The following EIF5B variants were observed in gnomAD, a reference collection of about 807,000 sequenced individuals.
The protein encoded by EIF5B is eukaryotic translation initiation factor 5B, also known as eIF-5B.
EIF5B carries 47 observed loss-of-function variants against 147.5 expected under a neutral mutation model. The ratio of observed to expected loss-of-function variants is 0.32; its 90% confidence interval spans 0.25 to 0.41. The LOEUF (loss-of-function observed/expected upper bound fraction) is 0.41. EIF5B is among the 10% of genes least tolerant of loss of function. The probability of loss-of-function intolerance (pLI) is 1.00; values close to 1 mark genes in which losing one functional copy is unlikely to be tolerated. For missense variants in EIF5B, 1,064 were observed against 1,413.2 expected, an observed-to-expected ratio of 0.75 and a Z score of 3.96; for synonymous variants, 455 against 456.2, an observed-to-expected ratio of 1.00 and a Z score of 0.03.
rs1472018846 is a variant in EIF5B at position 99,379,125 on chromosome 2, A to T, written c.1949A>T (p.Lys650Met). 5 of 1,591,878 alleles carry T rather than the reference A, an allele frequency of 3.1e-6. No individual in the cohort carries two copies. The highest frequency in any genetic ancestry group is 1.4e-5 in the African/African-American group (1 of 73,750). ...ACAGGGAAGACAAAAATTCTAGATA[A>T]GGTAAGAAAGTATTAAATGTATTGA... ...VDTGKTKILD[K>M]LRHTHVQDGE... The change falls in exon 11 of 24, where the codon AAG becomes ATG. Residue 650 changes from lysine to methionine, a missense_variant and splice_region_variant. By Grantham distance (95) the Lys-to-Met change is moderately conservative. Transcript: ENST00000289371.
chr2:99,397,059 G>GT (rs993949253), intron 22 of EIF5B, 161 bp downstream of exon 22: 1 of 745,852 alleles, frequency 1.3e-6, no homozygotes, highest in African/African-American at 1.8e-5. Context: ...TTTTACCTCA[G>GT]TAGGAAGAAA....
intron 1 of EIF5B, among the ~76,000 whole-genome samples, chr2:99,342,444 T>C (rs2094261839): frequency 6.6e-6 from 1 of 152,214 alleles, no homozygotes; most frequent in Admixed American, 6.5e-5. Context: ...ATAAGTAATA[T>C]GATTTGCCTC....
At chr2:99,366,752 T>C (rs955734181) in intron 6 of EIF5B, among the ~76,000 whole-genome samples, 4 of 152,184 alleles carry the variant, frequency 2.6e-5, no homozygotes, top group African/African-American at 9.7e-5. Flanking sequence ...AAAATGGATA[T>C]GAAGAGACCA....
chr2:99,378,915 G>A, intron 10 of EIF5B, 104 bp from the exon 11 acceptor site: 3 of 813,328 alleles, frequency 3.7e-6, no homozygotes, highest in Non-Finnish European at 5.5e-6. Flanking sequence ...AAAGAACTTG[G>A]ATGCAGGTTG....
intron 1 of EIF5B, among the ~76,000 whole-genome samples, chr2:99,350,828 T>A (rs1170409592): frequency 2.6e-5 from 4 of 152,242 alleles, no homozygotes; most frequent in African/African-American, 9.6e-5. Flanking sequence ...TCTAATAGTT[T>A]CATAGTTTTG....
intron 22 of EIF5B, 174 bp downstream of exon 22, chr2:99,397,072 G>T: frequency 1.5e-6 from 1 of 648,820 alleles, no homozygotes; most frequent in Non-Finnish European, 2.3e-6. Context: ...GGAAGAAAAT[G>T]TGGTAACTTT....
chr2:99,398,757 A>C lies in EIF5B; in HGVS notation c.3403A>C (p.Ile1135Leu). 1 of 1,610,936 alleles carries C rather than the reference A, an allele frequency of 6.2e-7. No individual in the cohort carries two copies. Among genetic ancestry groups the C allele is most frequent in the Middle Eastern group, 1.7e-4 (1 of 6,028 alleles). ...MCVPSKNFVD[I>L]GIVTSIEINH... ...TGTTCTTATTTTATAGTTTGTTGAC[A>C]TCGGAATAGTAACAAGTATTGAAAT... Residue 1135 changes from isoleucine (I) to leucine (L), a missense_variant, in exon 23 of 24, where the codon ATC (isoleucine) becomes CTC (leucine). By Grantham distance (5) the Ile-to-Leu change is conservative. Transcript: ENST00000289371.
chr2:99,353,107 T>G, intron 1 of EIF5B, among the ~76,000 whole-genome samples: 1 of 141,998 alleles, frequency 7.0e-6, no homozygotes, highest in Non-Finnish European at 1.5e-5. Flanking sequence ...CTCCACCTCC[T>G]GGGTTCAAGC....
At chr2:99,369,524 A>T in intron 8 of EIF5B, 43 bp downstream of exon 8, 1 of 1,507,742 alleles carries the variant, frequency 6.6e-7, no homozygotes, top group East Asian at 2.3e-5. Context: ...AATTCTTATT[A>T]AATAGTGTTG....
intron 18 of EIF5B, 135 bp from the exon 19 acceptor site, chr2:99,394,132 A>G: frequency 8.9e-7 from 1 of 1,126,092 alleles, no homozygotes; most frequent in Non-Finnish European, 1.2e-6. Flanking sequence ...AGGTTCTGTG[A>G]TGCCTTGCTC....
intron 19 of EIF5B, 21 bp downstream of exon 19, chr2:99,394,419 C>T (rs1180157600): frequency 6.2e-7 from 1 of 1,613,478 alleles, no homozygotes; most frequent in East Asian, 2.2e-5. Context: ...ACAACTCGCT[C>T]CACAAGTGAA....
In EIF5B at chr2:99,361,129, A is replaced by C. The variant is rs779161465; in HGVS notation, c.247-19A>C. ...AATTATAATTCTGTTAATTTTTTCT[A>C]ACAATGGAAATTTTTTAGCCAACAG... is the stretch of plus-strand genomic sequence containing the variant. On this transcript the variant is annotated intron_variant, in intron 3 of 23. Coordinates refer to ENST00000289371, the MANE Select transcript of EIF5B (RefSeq NM_015904.4). The C allele has an allele frequency of 6.8e-7, 1 of 1,471,132 alleles. No individual in the cohort carries two copies. Among genetic ancestry groups the C allele is most frequent in the Non-Finnish European group, 9.0e-7 (1 of 1,113,434 alleles). The allele number at this position is 1,471,132 out of a possible 1,614,324, so 91.1% of individuals were successfully genotyped here.
At position 99,360,523 on chromosome 2, in the gene EIF5B, G is replaced by A; in HGVS notation, c.220G>A (p.Ala74Thr). 1 of 1,613,606 alleles carries A rather than the reference G, an allele frequency of 6.2e-7. No homozygotes were observed. Among genetic ancestry groups the A allele is most frequent in the Non-Finnish European group, 8.5e-7 (1 of 1,179,824 alleles). The change falls in exon 3 of 24, where the codon GCT becomes ACT. Residue 74 changes from alanine to threonine, a missense_variant. This residue lies in a region of EIF5B where 458 missense variants were observed against 451.3 expected (regional missense o/e 1.01). Transcript: ENST00000289371. ...ELSLEAQGIK[A>T]DRETVAVKPT... ...GTCTTTGGAAGCTCAAGGCATCAAA[G>A]CTGACAGAGAAACTGTTGCAGTGAA...
At chr2:99,376,731 TG>T in intron 10 of EIF5B, 95 bp downstream of exon 10, 1 of 1,460,890 alleles carries the variant, frequency 6.8e-7, no homozygotes, top group Non-Finnish European at 9.0e-7. Context: ...CAGCACTTTA[TG>T]TATTCTCAAG....
chr2:99,347,398 G>C (rs2094275595), intron 1 of EIF5B, among the ~76,000 whole-genome samples: 1 of 152,156 alleles, frequency 6.6e-6, no homozygotes, highest in African/African-American at 2.4e-5. Context: ...CCACGTTGTT[G>C]AATCTAAATC....
intron 12 of EIF5B, among the ~76,000 whole-genome samples, chr2:99,379,783 CT>C (rs1372906234): frequency 6.6e-6 from 1 of 152,074 alleles, no homozygotes. Context: ...AATTTCTTTT[CT>C]TTTTCTCCCA....
At chr2:99,390,497 A>G in intron 16 of EIF5B, 47 bp from the exon 17 acceptor site, 8 of 1,590,530 alleles carry the variant, frequency 5.0e-6, no homozygotes, top group South Asian at 1.1e-5. Flanking sequence ...TTTAATGAAC[A>G]TGGTGCATTG....
At chr2:99,351,422 G>C (rs1470169483) in intron 1 of EIF5B, among the ~76,000 whole-genome samples, 1 of 152,164 alleles carries the variant, frequency 6.6e-6, no homozygotes, top group Non-Finnish European at 1.5e-5. Flanking sequence ...GAACATTTGA[G>C]TATAAGTCTT....
At chr2:99,396,720 G>T (rs1437061049) in intron 21 of EIF5B, 40 bp from the exon 22 acceptor site, 2 of 1,559,542 alleles carry the variant, frequency 1.3e-6, no homozygotes, top group South Asian at 1.2e-5. Flanking sequence ...ATGTTTAAGT[G>T]ATTCTGTAAG....
Sources: gnomAD v4.1 joint callset for allele counts (sites outside exome capture counted in the v4.1 genomes callset) on GRCh38, gnomAD v4.1.1 for gene constraint, gnomAD v4.1.1 regional missense constraint, MANE v1.5 for transcripts, NCBI Gene and HGNC (gene_info 2026-07-23, HGNC 2026-07-21) for gene names.